The following EPSTI1 variants were observed in gnomAD, a reference collection of about 807,000 sequenced individuals.
EPSTI1 encodes the protein epithelial-stromal interaction protein 1.
In EPSTI1, 66 loss-of-function variants were observed where a neutral mutation model predicts 49.9. The ratio of observed to expected loss-of-function variants is 1.32; its 90% CI spans 1.08 to 1.62. The LOEUF is 1.62. EPSTI1 is among the 40% of genes most tolerant of loss of function. The pLI is 0.00. For synonymous variants in EPSTI1, 137 were observed against 130.7 expected, an observed-to-expected ratio of 1.05 and a Z score of -0.33; for missense variants, 394 against 365.5, an observed-to-expected ratio of 1.08 and a Z score of -0.64.
chr13:42,980,291 A>G (rs1230538362), intron 1 of EPSTI1, among the ~76,000 whole-genome samples: 4 of 152,228 alleles, frequency 2.6e-5, no homozygotes, highest in African/African-American at 9.7e-5. Context: ...GAAAAAGAGT[A>G]TCTGTCACAT....
intron 3 of EPSTI1, 71 bp from the exon 4 acceptor site, chr13:42,964,210 T>A: frequency 8.8e-7 from 1 of 1,130,316 alleles, no homozygotes; most frequent in Non-Finnish European, 1.3e-6. Flanking sequence ...GAGGACTAAT[T>A]AATATATAAT....
rs144584876 is a variant in EPSTI1, at chr13:42,927,741, C to A, written c.564-1312G>T. ...CCTGAGAAACATTCAGCAGTTGAGA[C>A]GAGCAGCCTTTCCATTTGTCTTAGA... On this transcript the variant is annotated intron_variant, in intron 6 of 10. Coordinates refer to ENST00000313624, the MANE Select transcript of EPSTI1 (RefSeq NM_033255.5). Among the ~76,000 whole-genome samples, 199 of 152,278 alleles carry A rather than the reference C, an allele frequency of 1.3e-3. 1 individual carries two copies. Among genetic ancestry groups the A allele is most frequent in the Admixed American group, 6.3e-3 (96 of 15,292 alleles).
chr13:42,963,245 T>C lies in EPSTI1; in HGVS notation c.489+10A>G. 1.2e-6 allele frequency: 2 copies of C among 1,607,748 alleles called. No individual in the cohort carries two copies. Among genetic ancestry groups the C allele is most frequent in the East Asian group, 2.2e-5 (1 of 44,812 alleles). On this transcript the variant is annotated intron_variant, in intron 5 of 10. Transcript: ENST00000313624. ...ATCAGCAAATGTGAACTAATCCTCC[T>C]CCTCCTTACCTTCTCTCTCTGAATT...
chr13:42,911,527 GT>G (rs1287576217), intron 8 of EPSTI1, among the ~76,000 whole-genome samples: 1 of 152,106 alleles, frequency 6.6e-6, no homozygotes, highest in Non-Finnish European at 1.5e-5. Flanking sequence ...GTCTTTATGA[GT>G]TTTAATTATG....
At chr13:42,940,852 A>T (rs561453497) in intron 6 of EPSTI1, among the ~76,000 whole-genome samples, 11 of 152,378 alleles carry the variant, frequency 7.2e-5, no homozygotes, top group African/African-American at 2.4e-4. Flanking sequence ...TCTAATCATT[A>T]GTGAAACTGA....
chr13:42,888,788 A>C (rs976855646), intron 10 of EPSTI1, among the ~76,000 whole-genome samples: 1 of 152,230 alleles, frequency 6.6e-6, no homozygotes, highest in African/African-American at 2.4e-5. Flanking sequence ...ATACAGTTCG[A>C]AAATGTTGTC....
intron 5 of EPSTI1, among the ~76,000 whole-genome samples, chr13:42,961,718 A>G (rs1041064868): frequency 7.9e-5 from 12 of 152,304 alleles, no homozygotes; most frequent in African/African-American, 2.9e-4. Context: ...GTGTCCCCTG[A>G]CTTCTTTTGG....
At chr13:42,978,142 G>T (rs2039916610) in intron 1 of EPSTI1, among the ~76,000 whole-genome samples, 1 of 151,222 alleles carries the variant, frequency 6.6e-6, no homozygotes, top group Non-Finnish European at 1.5e-5. Flanking sequence ...CACAGAGCGA[G>T]ACTCCATCTC....
At chr13:42,970,365 T>C (rs937017263) in intron 2 of EPSTI1, 4 of 386,030 alleles carry the variant, frequency 1.0e-5, no homozygotes, top group Non-Finnish European at 1.4e-5. Flanking sequence ...TGTAAAGTTG[T>C]TCAAGCCAAC....
At chr13:42,916,147 AG>A (rs2037823445) in intron 8 of EPSTI1, among the ~76,000 whole-genome samples, 1 of 152,300 alleles carries the variant, frequency 6.6e-6, no homozygotes, top group African/African-American at 2.4e-5. Flanking sequence ...CATCATTAAA[AG>A]TACAACATGA....
intron 6 of EPSTI1, among the ~76,000 whole-genome samples, chr13:42,930,048 A>T (rs1053247963): frequency 6.6e-6 from 1 of 152,124 alleles, no homozygotes; most frequent in Non-Finnish European, 1.5e-5. Context: ...TCTTAAAAGC[A>T]CCCCTGGTGA....
Position 42,992,142 on chromosome 13 carries a change from C to T in EPSTI1, c.24G>A (p.Val8=), listed in dbSNP as rs1216798752. Residue 8 remains valine, a synonymous_variant, in exon 1 of 11, where the codon GTG becomes GTA. Coordinates refer to ENST00000313624, the MANE Select transcript of EPSTI1 (RefSeq NM_033255.5). The stretch of plus-strand genomic sequence containing the variant: ...CAGGGGAGGCGCCGAGCCCGGAGTT[C>T]ACCACTCTATTGCGGGTGTTCATGG... The part of the protein sequence containing the change: MNTRNRV[V]NSGLGASPAS... The T allele has an allele frequency of 1.9e-6, 3 of 1,602,172 alleles. No homozygotes were observed. The highest frequency in any genetic ancestry group is 2.6e-6 in the Non-Finnish European group (3 of 1,175,548).
intron 1 of EPSTI1, among the ~76,000 whole-genome samples, chr13:42,972,544 T>G (rs1337520711): frequency 6.6e-6 from 1 of 152,240 alleles, no homozygotes; most frequent in East Asian, 1.9e-4. Context: ...GAGACTCCAG[T>G]CTAAGACTTT....
chr13:42,937,625 C>T (rs1724872316), intron 6 of EPSTI1, among the ~76,000 whole-genome samples: 2 of 152,216 alleles, frequency 1.3e-5, no homozygotes, highest in African/African-American at 2.4e-5. Context: ...AGCAACTCCT[C>T]ATCCGTTGAA....
At chr13:42,979,589 AAAAAAAAAAAAAAG>A (rs1457085830) in intron 1 of EPSTI1, among the ~76,000 whole-genome samples, 1 of 116,574 alleles carries the variant, frequency 8.6e-6, no homozygotes, top group African/African-American at 3.2e-5. Context: ...CGTCTCAAAA[AAAAAAAAAAAAAAG>A]AAAAGAAAAG....
At chr13:42,940,155 C>T (rs770014635) in intron 6 of EPSTI1, among the ~76,000 whole-genome samples, 15 of 152,194 alleles carry the variant, frequency 9.9e-5, no homozygotes, top group Non-Finnish European at 1.9e-4. Context: ...TTGTCAACTT[C>T]GTCATCTCTT....
At chr13:42,944,799 A>C (rs1441107381) in intron 6 of EPSTI1, among the ~76,000 whole-genome samples, 1 of 152,238 alleles carries the variant, frequency 6.6e-6, no homozygotes, top group Non-Finnish European at 1.5e-5. Flanking sequence ...CATAACAAAA[A>C]CAAGATCACT....
intron 6 of EPSTI1, among the ~76,000 whole-genome samples, chr13:42,953,122 C>T (rs1472952301): frequency 6.6e-6 from 1 of 152,044 alleles, no homozygotes; most frequent in East Asian, 1.9e-4. Context: ...TTATATGATC[C>T]TATTCAATAA....
At chr13:42,916,492 A>T (rs992084048) in intron 8 of EPSTI1, among the ~76,000 whole-genome samples, 19 of 152,224 alleles carry the variant, frequency 1.2e-4, no homozygotes, top group African/African-American at 4.6e-4. Context: ...AGCACTCAAA[A>T]GGGTCAAATT....
Sources: allele counts gnomAD v4.1 joint callset (sites outside exome capture counted in the v4.1 genomes callset), GRCh38; gene constraint gnomAD v4.1.1; transcripts MANE v1.5; gene names NCBI Gene and HGNC (gene_info 2026-07-23, HGNC 2026-07-21).